Variants in SEMA3F observed in about 807,000 individuals in gnomAD.
The protein encoded by SEMA3F is semaphorin-3F.
In SEMA3F, 30 loss-of-function variants were observed where a neutral mutation model predicts 98.5. The observed-to-expected ratio is 0.30, with a 90% CI of 0.23 to 0.41. The LOEUF is 0.41. SEMA3F is among the 10% of genes least tolerant of loss of function. SEMA3F has a pLI of 1.00. For synonymous variants in SEMA3F, 380 were observed against 444.8 expected, an observed-to-expected ratio of 0.85 and a Z score of 1.83; for missense variants, 866 against 1,119.3, an observed-to-expected ratio of 0.77 and a Z score of 3.23.
In SEMA3F at chr3:50,158,722, T is replaced by C. The variant is rs1013994535; in HGVS notation, c.-48-853T>C. Among the ~76,000 whole-genome samples the C allele has an allele frequency of 7.9e-5, 12 of 152,204 alleles. No homozygotes were observed. The highest frequency in any genetic ancestry group is 3.9e-4 in the Admixed American group (6 of 15,284). On this transcript the variant is annotated intron_variant, in intron 1 of 18. Transcript: ENST00000002829. The surrounding 1 kb of genome is among the most constrained non-coding windows in gnomAD (Gnocchi z 4.8). ...TGTGCCGGGAGGGAGCAATATGTTC[T>C]GACAACTGGTGCTGGGCTGCGTTTA...
rs1428877110 is a variant in SEMA3F, at chr3:50,159,700, C to T, written c.78C>T (p.Leu26=). ...CATCCTTCCCCACCCAGGACCACCT[C>T]CCGGCCACGCCCCGGGTCCGGCTCT... ...AWPSFPTQDH[L]PATPRVRLSF... The change falls in exon 2 of 19, where the codon CTC becomes CTT. Residue 26 remains leucine, a synonymous_variant. Transcript: ENST00000002829. The T allele has an allele frequency of 1.9e-6, 3 of 1,612,568 alleles. No individual in the cohort carries two copies. The highest frequency in any genetic ancestry group is 1.3e-5 in the African/African-American group (1 of 74,906).
At chr3:50,185,820 C>T (rs1699191312) in intron 15 of SEMA3F, 69 bp from the exon 16 acceptor site, 61 of 1,605,252 alleles carry the variant, frequency 3.8e-5, no homozygotes, top group Non-Finnish European at 5.2e-5. Flanking sequence ...GAGAGGAGCC[C>T]AGCCTAGCTG....
intron 2 of SEMA3F, among the ~76,000 whole-genome samples, chr3:50,171,507 C>G (rs1459787659): frequency 6.6e-6 from 1 of 152,106 alleles, no homozygotes; most frequent in Admixed American, 6.5e-5. Context: ...GCCCCTCCCC[C>G]TGCCATTGCC....
intron 12 of SEMA3F, 50 bp downstream of exon 12, chr3:50,183,614 C>T (rs1699100662): frequency 6.3e-7 from 1 of 1,593,066 alleles, no homozygotes; most frequent in Non-Finnish European, 8.6e-7. Context: ...TTCTAAGAGG[C>T]CTCTGGGTCA....
At chr3:50,187,635 T>C in intron 18 of SEMA3F, 70 bp from the exon 19 acceptor site, 1 of 1,383,056 alleles carries the variant, frequency 7.2e-7, no homozygotes, top group South Asian at 1.5e-5. Context: ...AAAGGTGGTC[T>C]GATCTGGTTG....
rs748556012 is a variant in SEMA3F at position 50,183,424 on chromosome 3, G to A, written c.1093G>A (p.Val365Met). ...IYAVFTSSGS[V>M]FRGSAVCVYS... The stretch of plus-strand genomic sequence containing the variant: ...CAGCGCCTGCCATGCCCACAGCTCC[G>A]TGTTCCGAGGCTCTGCCGTGTGTGT... The change falls in exon 12 of 19, where the codon GTG becomes ATG. Residue 365 changes from valine to methionine, a missense_variant. This residue lies in a region of SEMA3F where 374 missense variants were observed against 582.8 expected (regional missense o/e 0.64). Coordinates refer to ENST00000002829, the MANE Select transcript of SEMA3F (RefSeq NM_004186.5). 5.6e-6 allele frequency: 9 copies of A among 1,613,864 alleles called. No homozygotes were observed. The highest frequency in any genetic ancestry group is 2.7e-5 in the African/African-American group (2 of 74,932).
intron 18 of SEMA3F, among the ~76,000 whole-genome samples, chr3:50,187,422 CA>C (rs901489365): frequency 0.095 from 5,586 of 58,980 alleles, 217 homozygotes; most frequent in African/African-American, 0.26. Flanking sequence ...GACCTTGTCT[CA>C]AAAAAAAAAA....
chr3:50,157,872 C>T (rs1233212641), intron 1 of SEMA3F, among the ~76,000 whole-genome samples: 1 of 152,196 alleles, frequency 6.6e-6, no homozygotes, highest in East Asian at 1.9e-4. Flanking sequence ...AGGGGGGAGG[C>T]GGGAGGCAGG....
chr3:50,186,832 C>A, intron 18 of SEMA3F, 86 bp downstream of exon 18: 2 of 1,350,690 alleles, frequency 1.5e-6, no homozygotes, highest in Non-Finnish European at 2.0e-6. Flanking sequence ...TGGAGCAACT[C>A]TCATGCTGTG....
Position 50,155,971 on chromosome 3 carries a change from C to T in SEMA3F, c.-49+407C>T, listed in dbSNP as rs1193674464. On this transcript the variant is annotated intron_variant, in intron 1 of 18. Coordinates refer to ENST00000002829, the MANE Select transcript of SEMA3F (RefSeq NM_004186.5). This position sits in a 1 kb window ranked among gnomAD's most constrained non-coding sequence, Gnocchi z 4.9. ...TTCCCCGTAGATGCGCTTGCCCTAC[C>T]TCAGTGTCTCTACTTGAGGACTGGC... 6.6e-6 allele frequency: 1 copy of T among 152,254 alleles called. No homozygotes were observed. Among genetic ancestry groups the T allele is most frequent in the Non-Finnish European group, 1.5e-5 (1 of 68,072 alleles). The allele number at this position is 152,254 out of a possible 1,614,324, so 9.4% of individuals were successfully genotyped here.
chr3:50,169,075 C>G (rs1157326676), intron 2 of SEMA3F, among the ~76,000 whole-genome samples: 1 of 152,114 alleles, frequency 6.6e-6, no homozygotes, highest in Admixed American at 6.5e-5. Context: ...GGGGCTATAA[C>G]CAAGGGGGCG....
intron 2 of SEMA3F, among the ~76,000 whole-genome samples, chr3:50,162,689 G>T (rs2518797): frequency 0.021 from 3,200 of 152,316 alleles, 33 homozygotes; most frequent in Middle Eastern, 0.037. Flanking sequence ...CCTTTGTTCA[G>T]CCTGGGGAGT....
chr3:50,170,513 A>T (rs1246995764), intron 2 of SEMA3F, among the ~76,000 whole-genome samples: 1 of 152,076 alleles, frequency 6.6e-6, no homozygotes, highest in Admixed American at 6.5e-5. Flanking sequence ...CTTTCCCTGA[A>T]AGGCAGAGAC....
At chr3:50,162,683 TG>T in intron 2 of SEMA3F, among the ~76,000 whole-genome samples, 1 of 152,294 alleles carries the variant, frequency 6.6e-6, no homozygotes, top group East Asian at 1.9e-4. Context: ...CCAGGCCCTT[TG>T]TTCAGCCTGG....
Position 50,183,015 on chromosome 3 carries a change from C to A in SEMA3F, c.1015C>A (p.Leu339Ile), listed in dbSNP as rs1205621326. ...TGGCATTGAGACTCACTTTGATGAG[C>A]TCCGTGAGTGCCCAGCAGGCAGGCA... is the stretch of plus-strand genomic sequence containing the variant. ...EDGIETHFDE[L>I]QDVFVQQTQD... Residue 339 changes from leucine to isoleucine, a missense_variant, in exon 10 of 19, where the codon CTC (leucine) becomes ATC (isoleucine). Leu to Ile is a conservative substitution (Grantham distance 5, BLOSUM62 2). Around this residue, in one of 3 missense-constraint regions of SEMA3F, gnomAD observed 374 missense variants for 582.8 expected, o/e 0.64. Transcript: ENST00000002829. The A allele has an allele frequency of 6.2e-7, 1 of 1,612,802 alleles. No individual in the cohort carries two copies. Among genetic ancestry groups the A allele is most frequent in the African/African-American group, 1.3e-5 (1 of 75,056 alleles).
chr3:50,176,828 G>A lies in SEMA3F; in HGVS notation c.610G>A (p.Asp204Asn), dbSNP rs748608861. Residue 204 changes from aspartate to asparagine, a missense_variant, in exon 7 of 19, where the codon GAT becomes AAT. Coordinates refer to ENST00000002829, the MANE Select transcript of SEMA3F (RefSeq NM_004186.5). Reference protein sequence around the residue: ...LESGKGKCPYDPKLDTASALI... With the variant: ...LESGKGKCPYNPKLDTASALI... ...GTCAGGGAAGGGCAAGTGTCCGTAC[G>A]ATCCCAAGCTGGACACAGCATCGGC... The A allele has an allele frequency of 5.0e-6, 8 of 1,613,598 alleles. No individual in the cohort carries two copies. Among genetic ancestry groups the A allele is most frequent in the Admixed American group, 3.3e-5 (2 of 59,998 alleles).
rs201821675 is a variant in SEMA3F at position 50,176,824 on chromosome 3, G to A, written c.606G>A (p.Pro202=). 1.7e-4 allele frequency: 275 copies of A among 1,613,728 alleles called. 1 individual carries two copies. In the South Asian group the frequency reaches 2.8e-3, roughly 16 times the overall value. The part of the protein sequence containing the change: ...ERLESGKGKC[P]YDPKLDTASA... ...TCGAGTCAGGGAAGGGCAAGTGTCCGTACGATCCCAAGCTGGACACAGCAT... is the reference window on the plus strand; with the variant it reads ...TCGAGTCAGGGAAGGGCAAGTGTCCATACGATCCCAAGCTGGACACAGCAT... The change falls in exon 7 of 19, where the codon CCG becomes CCA. Residue 202 remains proline, a synonymous_variant. Transcript: ENST00000002829.
Position 50,176,841 on chromosome 3 carries a change from A to C in SEMA3F, c.623A>C (p.Asp208Ala), listed in dbSNP as rs973574831. 6.2e-7 allele frequency: 1 copy of C among 1,613,716 alleles called. No individual in the cohort carries two copies. The highest frequency in any genetic ancestry group is 1.7e-5 in the Admixed American group (1 of 60,018). Residue 208 changes from aspartate (D) to alanine (A), a missense_variant, in exon 7 of 19, where the codon GAC becomes GCC. Physicochemically the swap from Asp to Ala is moderately radical, Grantham distance 126 (BLOSUM62 -2). Coordinates refer to ENST00000002829, the MANE Select transcript of SEMA3F (RefSeq NM_004186.5). ...AAGTGTCCGTACGATCCCAAGCTGG[A>C]CACAGCATCGGCCCTCATCAGTGAG... ...KGKCPYDPKLDTASALINEEL... is the reference protein window; with the variant it reads ...KGKCPYDPKLATASALINEEL...
At chr3:50,163,251 C>T (rs1559720600) in intron 2 of SEMA3F, among the ~76,000 whole-genome samples, 1 of 152,230 alleles carries the variant, frequency 6.6e-6, no homozygotes, top group Non-Finnish European at 1.5e-5. Context: ...TCCCCATGCC[C>T]TCTGTCTGCC....
Sources: gnomAD v4.1 joint callset for allele counts (sites outside exome capture counted in the v4.1 genomes callset) on GRCh38, gnomAD v4.1.1 for gene constraint, gnomAD v4.1.1 regional missense constraint, Gnocchi (gnomAD v3.1) non-coding constraint, MANE v1.5 for transcripts, NCBI Gene and HGNC (gene_info 2026-07-23, HGNC 2026-07-21) for gene names.